Variants in KIRREL3 observed in about 807,000 individuals in gnomAD.
KIRREL3 encodes kin of IRRE-like protein 3.
A neutral mutation model predicts 89.7 loss-of-function variants in KIRREL3; 36 were observed. The ratio of observed to expected loss-of-function variants is 0.40; its 90% CI spans 0.31 to 0.53. The LOEUF (loss-of-function observed/expected upper bound fraction) is 0.53. KIRREL3 is among the 20% of genes least tolerant of loss of function. The pLI is 0.49. For synonymous variants in KIRREL3, 445 were observed against 441.4 expected, an observed-to-expected ratio of 1.01 and a Z score of -0.10; for missense variants, 864 against 1,056.6, an observed-to-expected ratio of 0.82 and a Z score of 2.53.
Position 126,776,698 on chromosome 11 carries a change from A to T in KIRREL3, c.56-213786T>A, listed in dbSNP as rs372573073. ...AGTCAACTGTTAAAACCTTGTGGTA[A>T]TCCAAAGAGAACAGAGGGAATGCTT... On this transcript the variant is annotated intron_variant, in intron 1 of 16. Transcript: ENST00000525144. The surrounding 1 kb of genome is among the most constrained non-coding windows in gnomAD (Gnocchi z 4.7). Among the ~76,000 whole-genome samples the T allele has an allele frequency of 9.1e-4, 139 of 152,344 alleles. 3 individuals are homozygous for T. The highest frequency in any genetic ancestry group is 3.0e-3 in the African/African-American group (124 of 41,580).
chr11:126,921,614 CTAT>C (rs1359979597), intron 1 of KIRREL3, among the ~76,000 whole-genome samples: 772 of 50,488 alleles, frequency 0.015, 90 homozygotes, highest in African/African-American at 0.022. Context: ...ATCTATCTAT[CTAT>C]CTATCTTCCT....
Position 126,814,413 on chromosome 11 carries a change from C to T in KIRREL3, c.55+186042G>A, listed in dbSNP as rs762067134. 1.3e-5 allele frequency among the ~76,000 whole-genome samples: 2 copies of T among 152,156 alleles called. No individual in the cohort carries two copies. The highest frequency in any genetic ancestry group is 2.9e-5 in the Non-Finnish European group (2 of 68,030). ...ACCATTTGACCCAGCAATCCCATTA[C>T]TGGATATATACCCAAAGGAATATAA... is the stretch of plus-strand genomic sequence containing the variant. On this transcript the variant is annotated intron_variant, in intron 1 of 16. Transcript: ENST00000525144. This position sits in a 1 kb window ranked among gnomAD's most constrained non-coding sequence, Gnocchi z 4.4.
chr11:126,461,098 C>T lies in KIRREL3; in HGVS notation c.742+2059G>A, dbSNP rs192301442. ...TGGCCAGTCCTCGGGCAAGAAGGGG[C>T]CTTGGATGTCATTTGGCCAAATCAG... On this transcript the variant is annotated intron_variant, in intron 6 of 16. Coordinates refer to ENST00000525144, the MANE Select transcript of KIRREL3 (RefSeq NM_032531.4). 2.0e-4 allele frequency among the ~76,000 whole-genome samples: 31 copies of T among 152,354 alleles called. No homozygotes were observed. In the East Asian group the frequency reaches 2.3e-3, roughly 11 times the overall value.
chr11:126,978,593 G>A lies in KIRREL3; in HGVS notation c.55+21862C>T, dbSNP rs983819726. ...CTTGGTTCTGGCCACGCCCAGCTCCGTGTGGGTCCCTGAGTGGTCTACGTT... is the reference window on the plus strand; with the variant it reads ...CTTGGTTCTGGCCACGCCCAGCTCCATGTGGGTCCCTGAGTGGTCTACGTT... On this transcript the variant is annotated intron_variant, in intron 1 of 16. Transcript: ENST00000525144. The surrounding 1 kb of genome is among the most constrained non-coding windows in gnomAD (Gnocchi z 4.2). 2.0e-5 allele frequency among the ~76,000 whole-genome samples: 3 copies of A among 152,144 alleles called. No individual in the cohort carries two copies. The highest frequency in any genetic ancestry group is 6.5e-5 in the Admixed American group (1 of 15,278).
intron 1 of KIRREL3, among the ~76,000 whole-genome samples, chr11:126,616,682 C>A (rs1229153727): frequency 6.6e-6 from 1 of 152,214 alleles, no homozygotes; most frequent in East Asian, 1.9e-4. Context: ...TGCTCTGTCA[C>A]CCAGGTTGAG....
rs182457905 is a variant in KIRREL3, at chr11:126,526,502, C to T, written c.283+36G>A. On this transcript the variant is annotated intron_variant, in intron 3 of 16. Coordinates refer to ENST00000525144, the MANE Select transcript of KIRREL3 (RefSeq NM_032531.4). This position sits in a 1 kb window ranked among gnomAD's most constrained non-coding sequence, Gnocchi z 5.7. ...GGATGGGTGAGTAAGGAAGTGATGG[C>T]CCCAGGCCCACCCCAGGAGGTCTGG... 777 of 1,591,978 alleles carry T rather than the reference C, an allele frequency of 4.9e-4. 8 individuals carry two copies. The East Asian group carries it at 0.015, about 32-fold the overall frequency.
rs2134580197 is a variant in KIRREL3, at chr11:126,561,194, A to G, written c.133+1641T>C. 6.6e-6 allele frequency among the ~76,000 whole-genome samples: 1 copy of G among 152,272 alleles called. No individual in the cohort carries two copies. Among genetic ancestry groups the G allele is most frequent in the Non-Finnish European group, 1.5e-5 (1 of 68,000 alleles). On this transcript the variant is annotated intron_variant, in intron 2 of 16. Transcript: ENST00000525144. The surrounding 1 kb of genome is among the most constrained non-coding windows in gnomAD (Gnocchi z 4.5). Reference sequence around the variant, plus strand: ...CTTCACCTCTGCCTTCCAGCTCTCCAGAGCCAAAGCTGACCCACCTGTGTC... The same window carrying G: ...CTTCACCTCTGCCTTCCAGCTCTCCGGAGCCAAAGCTGACCCACCTGTGTC...
At chr11:126,730,952 G>C in intron 1 of KIRREL3, among the ~76,000 whole-genome samples, 1 of 152,014 alleles carries the variant, frequency 6.6e-6, no homozygotes, top group Non-Finnish European at 1.5e-5. Context: ...TGTTAGGCAG[G>C]ATGGTCTCCA....
intron 1 of KIRREL3, among the ~76,000 whole-genome samples, chr11:126,975,890 CCCTCCCTCCCTCCCTT>C (rs1949552406): frequency 2.3e-5 from 2 of 87,928 alleles, no homozygotes; most frequent in Admixed American, 1.3e-4. Flanking sequence ...TCTTTTCCCT[CCCTCCCTCCCTCCCTT>C]CCTCCCTCCC....
chr11:126,894,960 G>T (rs762184026), intron 1 of KIRREL3, among the ~76,000 whole-genome samples: 3 of 151,966 alleles, frequency 2.0e-5, no homozygotes, highest in Non-Finnish European at 4.4e-5. Flanking sequence ...AGGGTCCTGA[G>T]ATAAGATCAT....
intron 1 of KIRREL3, among the ~76,000 whole-genome samples, chr11:126,966,544 G>A (rs1379108077): frequency 1.3e-5 from 2 of 152,122 alleles, no homozygotes; most frequent in Non-Finnish European, 2.9e-5. Context: ...CCGCAGAACC[G>A]TGGTGTACTC....
chr11:126,435,165 C>A, intron 13 of KIRREL3, 103 bp downstream of exon 13: 3 of 1,200,114 alleles, frequency 2.5e-6, no homozygotes, highest in Non-Finnish European at 2.5e-6. Context: ...GAGACACTAG[C>A]GGCCAGCACA....
rs1948513116 is a variant in KIRREL3, at chr11:126,943,248, C to G, written c.55+57207G>C. ...GCAGCTCCCATGGTAAAACATTCAC[C>G]GTCATTCTTTCTCTCTTCTCACTCA... is the stretch of plus-strand genomic sequence containing the variant. On this transcript the variant is annotated intron_variant, in intron 1 of 16. Coordinates refer to ENST00000525144, the MANE Select transcript of KIRREL3 (RefSeq NM_032531.4). This position sits in a 1 kb window ranked among gnomAD's most constrained non-coding sequence, Gnocchi z 4.2. Among the ~76,000 whole-genome samples the G allele has an allele frequency of 1.3e-5, 2 of 152,130 alleles. No individual in the cohort carries two copies. Among genetic ancestry groups the G allele is most frequent in the South Asian group, 4.1e-4 (2 of 4,830 alleles).
chr11:126,619,002 T>A (rs1943470793), intron 1 of KIRREL3, among the ~76,000 whole-genome samples: 2 of 152,204 alleles, frequency 1.3e-5, no homozygotes, highest in African/African-American at 4.8e-5. Flanking sequence ...TTCTCATGGA[T>A]CTTGACTTCT....
intron 1 of KIRREL3, among the ~76,000 whole-genome samples, chr11:126,806,856 C>T (rs147397025): frequency 9.5e-4 from 144 of 152,078 alleles, no homozygotes; most frequent in Non-Finnish European, 1.7e-3. Flanking sequence ...CAACAGGCTC[C>T]AGTGTGTGAT....
Position 126,802,573 on chromosome 11 carries a change from G to C in KIRREL3, c.55+197882C>G, listed in dbSNP as rs1314486232. 2.0e-4 allele frequency among the ~76,000 whole-genome samples: 30 copies of C among 152,132 alleles called. No homozygotes were observed. The highest frequency in any genetic ancestry group is 2.9e-5 in the Non-Finnish European group (2 of 68,030). On this transcript the variant is annotated intron_variant, in intron 1 of 16. Coordinates refer to ENST00000525144, the MANE Select transcript of KIRREL3 (RefSeq NM_032531.4). The surrounding 1 kb of genome is among the most constrained non-coding windows in gnomAD (Gnocchi z 5.2). The stretch of plus-strand genomic sequence containing the variant: ...TGGCATGTCTACATGGCCTCAGTGT[G>C]AGTGAGTGTGGGCATGTGTGTGTGT...
intron 10 of KIRREL3, 108 bp from the exon 11 acceptor site, chr11:126,440,657 A>G: frequency 9.7e-7 from 1 of 1,031,728 alleles, no homozygotes; most frequent in Non-Finnish European, 1.5e-6. Flanking sequence ...TTCAGCAAAC[A>G]TTTGCCGAAG....
At chr11:126,711,591 T>A (rs1947758466) in intron 1 of KIRREL3, among the ~76,000 whole-genome samples, 1 of 152,080 alleles carries the variant, frequency 6.6e-6, no homozygotes, top group South Asian at 2.1e-4. Context: ...CAACAAAAAA[T>A]AATTTATTAC....
rs1947605194 is a variant in KIRREL3, at chr11:126,924,367, G to A, written c.55+76088C>T. 6.6e-6 allele frequency among the ~76,000 whole-genome samples: 1 copy of A among 152,142 alleles called. No individual in the cohort carries two copies. The highest frequency in any genetic ancestry group is 2.1e-4 in the South Asian group (1 of 4,824). On this transcript the variant is annotated intron_variant, in intron 1 of 16. Coordinates refer to ENST00000525144, the MANE Select transcript of KIRREL3 (RefSeq NM_032531.4). The surrounding 1 kb of genome is among the most constrained non-coding windows in gnomAD (Gnocchi z 4.7). ...ACACCCTTCAGAAAGCTGTCTCCCA[G>A]CACCTAGCATAACACCAGGTCCTTA...
Sources: gnomAD v4.1 joint callset for allele counts (sites outside exome capture counted in the v4.1 genomes callset) on GRCh38, gnomAD v4.1.1 for gene constraint, Gnocchi (gnomAD v3.1) non-coding constraint, MANE v1.5 for transcripts, NCBI Gene and HGNC (gene_info 2026-07-23, HGNC 2026-07-21) for gene names.